The following LCA5 variants were observed in gnomAD, a reference collection of about 807,000 sequenced individuals.
LCA5 encodes the protein lebercilin.
Under a neutral mutation model 53.0 loss-of-function variants are expected in LCA5, and 37 were observed. The ratio of observed to expected loss-of-function variants is 0.70; its 90% CI spans 0.54 to 0.92. The LOEUF (loss-of-function observed/expected upper bound fraction) is 0.92. Among genes scored for constraint, LCA5 ranks in the 40% least tolerant of loss-of-function variants. LCA5 has a pLI of 0.00. For synonymous variants in LCA5, 303 were observed against 282.9 expected, an observed-to-expected ratio of 1.07 and a Z score of -0.71; for missense variants, 806 against 790.5, an observed-to-expected ratio of 1.02 and a Z score of -0.23.
At chr6:79,508,193 G>A (rs773835934) in intron 3 of LCA5, among the ~76,000 whole-genome samples, 3 of 152,110 alleles carry the variant, frequency 2.0e-5, no homozygotes, top group Non-Finnish European at 2.9e-5. Flanking sequence ...TCTATGGCCC[G>A]GAACTAGAGC....
chr6:79,508,974 G>A (rs1055493702), intron 3 of LCA5, among the ~76,000 whole-genome samples: 1 of 152,164 alleles, frequency 6.6e-6, no homozygotes, highest in Non-Finnish European at 1.5e-5. Flanking sequence ...TGACTGATGA[G>A]ATCATGAAAG....
intron 1 of LCA5, among the ~76,000 whole-genome samples, chr6:79,520,947 C>G (rs77990303): frequency 6.6e-6 from 1 of 152,010 alleles, no homozygotes; most frequent in Non-Finnish European, 1.5e-5. Flanking sequence ...AAAATGGGTT[C>G]GCTAGGGTAG....
intron 1 of LCA5, among the ~76,000 whole-genome samples, chr6:79,524,821 T>TC (rs1766734073): frequency 6.6e-6 from 1 of 152,082 alleles, no homozygotes; most frequent in African/African-American, 2.4e-5. Context: ...GGACCCTTTC[T>TC]CCCCCTCTTC....
chr6:79,533,512 T>C (rs190934933), intron 1 of LCA5, among the ~76,000 whole-genome samples: 40 of 151,838 alleles, frequency 2.6e-4, no homozygotes, highest in African/African-American at 9.2e-4. Context: ...CTAAACATGC[T>C]ACTACAGCAA....
chr6:79,526,119 A>G (rs1766779453), intron 1 of LCA5, among the ~76,000 whole-genome samples: 1 of 152,200 alleles, frequency 6.6e-6, no homozygotes, highest in South Asian at 2.1e-4. Context: ...CATTCAAGTA[A>G]ATTTCACAGA....
upstream of LCA5, among the ~76,000 whole-genome samples, chr6:79,538,627 T>C (rs1767227748): frequency 6.6e-6 from 1 of 152,216 alleles, no homozygotes; most frequent in Non-Finnish European, 1.5e-5. Context: ...TGGACTCTGT[T>C]AGAATTAACA....
intron 3 of LCA5, among the ~76,000 whole-genome samples, chr6:79,506,273 A>T (rs1562102680): frequency 6.6e-6 from 1 of 152,194 alleles, no homozygotes; most frequent in Admixed American, 6.5e-5. Flanking sequence ...TTGAATTTTT[A>T]TATGTACTAA....
At chr6:79,494,117 TG>T (rs1769916121) in intron 3 of LCA5, among the ~76,000 whole-genome samples, 1 of 151,902 alleles carries the variant, frequency 6.6e-6, no homozygotes, top group East Asian at 1.9e-4. Flanking sequence ...TAGCTGGGCA[TG>T]GTGGTGCATG....
At chr6:79,494,252 G>C (rs919689638) in intron 3 of LCA5, among the ~76,000 whole-genome samples, 4 of 151,498 alleles carry the variant, frequency 2.6e-5, no homozygotes, top group Admixed American at 2.6e-4. Context: ...AAAATCTTAA[G>C]CACACACACA....
chr6:79,521,620 A>G (rs1766627031), intron 1 of LCA5, among the ~76,000 whole-genome samples: 1 of 152,192 alleles, frequency 6.6e-6, no homozygotes, highest in Non-Finnish European at 1.5e-5. Flanking sequence ...TTGAATTATG[A>G]GTGTCAGTAT....
At chr6:79,508,066 C>A (rs1217646276) in intron 3 of LCA5, among the ~76,000 whole-genome samples, 1 of 152,014 alleles carries the variant, frequency 6.6e-6, no homozygotes, top group African/African-American at 2.4e-5. Flanking sequence ...GATATAAAAG[C>A]CAAAATAAAG....
upstream of LCA5, chr6:79,537,569 C>T (rs1244057808): frequency 2.0e-5 from 3 of 152,204 alleles, no homozygotes; most frequent in African/African-American, 4.8e-5. Context: ...CTCCATTGGC[C>T]GACCGCTCTA....
At chr6:79,505,909 T>C (rs1211305976) in intron 3 of LCA5, among the ~76,000 whole-genome samples, 1 of 152,082 alleles carries the variant, frequency 6.6e-6, no homozygotes, top group Non-Finnish European at 1.5e-5. Flanking sequence ...ATGCTGTATC[T>C]AGGAAGATAA....
At position 79,491,576 on chromosome 6, in the gene LCA5, T is replaced by G. The variant is rs766425675; in HGVS notation, c.1098+12A>C. The G allele has an allele frequency of 1.4e-5, 22 of 1,612,194 alleles. No individual in the cohort carries two copies. The Admixed American group carries it at 3.3e-4, about 24-fold the overall frequency. ...GACCGAGTTTGGTACATAACAATAC[T>G]GCTAAACTCACCAAAGTAAGATGTC... On this transcript the variant is annotated intron_variant, in intron 6 of 7. Coordinates refer to ENST00000369846, the MANE Select transcript of LCA5 (RefSeq NM_001122769.3).
chr6:79,519,742 A>T (rs1039137764), intron 1 of LCA5, among the ~76,000 whole-genome samples: 1 of 151,586 alleles, frequency 6.6e-6, no homozygotes, highest in African/African-American at 2.4e-5. Context: ...AAGAATAAAG[A>T]ATAAAAATAT....
chr6:79,503,361 AC>A (rs1188046652), intron 3 of LCA5, among the ~76,000 whole-genome samples: 3 of 152,122 alleles, frequency 2.0e-5, no homozygotes, highest in African/African-American at 7.2e-5. Flanking sequence ...TTCAGTCACT[AC>A]CACAGAACAA....
chr6:79,530,647 T>C (rs1248825251), intron 1 of LCA5, among the ~76,000 whole-genome samples: 2 of 152,204 alleles, frequency 1.3e-5, no homozygotes, highest in Non-Finnish European at 2.9e-5. Context: ...CAATTCATCA[T>C]TGCATTTAAT....
intron 3 of LCA5, among the ~76,000 whole-genome samples, chr6:79,506,902 G>A (rs1770285000): frequency 6.6e-6 from 1 of 152,180 alleles, no homozygotes; most frequent in South Asian, 2.1e-4. Context: ...AATGTGTGAT[G>A]TAAAACATCC....
At chr6:79,503,765 G>C (rs1562101385) in intron 3 of LCA5, among the ~76,000 whole-genome samples, 2 of 152,178 alleles carry the variant, frequency 1.3e-5, no homozygotes, top group African/African-American at 2.4e-5. Context: ...AGCTGGAATG[G>C]TGTATAACCA....
Sources: gnomAD v4.1 joint callset for allele counts (sites outside exome capture counted in the v4.1 genomes callset) on GRCh38, gnomAD v4.1.1 for gene constraint, MANE v1.5 for transcripts, NCBI Gene and HGNC (gene_info 2026-07-23, HGNC 2026-07-21) for gene names.